IQCM: variants seen among roughly 807,000 people sequenced by gnomAD.
IQCM encodes the protein IQ domain-containing protein M.
In IQCM, 45 loss-of-function variants were observed where a neutral mutation model predicts 57.6. The observed-to-expected ratio is 0.78, with a 90% CI of 0.62 to 1.00. The LOEUF (loss-of-function observed/expected upper bound fraction) is 1.00, where lower values mean the gene tolerates loss of function less well. Among genes scored for constraint, IQCM ranks in the 50% least tolerant of loss-of-function variants. IQCM has a pLI of 0.00. For synonymous variants in IQCM, 148 were observed against 158.9 expected (o/e 0.93, Z 0.51); for missense variants, 468 against 511.6 (o/e 0.91, Z 0.82).
intron 10 of IQCM, among the ~76,000 whole-genome samples, chr4:149,559,182 T>C (rs545644584): frequency 6.6e-6 from 1 of 152,272 alleles, no homozygotes; most frequent in African/African-American, 2.4e-5. Flanking sequence ...AAAAGCATAC[T>C]AGTTGTTTTA....
intron 9 of IQCM, among the ~76,000 whole-genome samples, chr4:149,569,367 A>G (rs1311796412): frequency 2.6e-5 from 4 of 152,026 alleles, no homozygotes; most frequent in Non-Finnish European, 1.5e-5. Flanking sequence ...CATTTTTAAA[A>G]CCTTGAGGTT....
At chr4:149,719,707 C>T (rs891908498) in intron 5 of IQCM, among the ~76,000 whole-genome samples, 1 of 152,234 alleles carries the variant, frequency 6.6e-6, no homozygotes, top group Admixed American at 6.5e-5. Flanking sequence ...GACCTCCAAG[C>T]TCACATCATC....
At chr4:149,634,719 A>C (rs901347321) in intron 7 of IQCM, among the ~76,000 whole-genome samples, 3 of 152,264 alleles carry the variant, frequency 2.0e-5, no homozygotes, top group African/African-American at 7.2e-5. Context: ...CCTCTATCAA[A>C]TATAATGAAA....
At chr4:149,380,818 T>G (rs185664822) in intron 13 of IQCM, among the ~76,000 whole-genome samples, 4 of 152,234 alleles carry the variant, frequency 2.6e-5, no homozygotes, top group Admixed American at 1.3e-4. Context: ...CAGCATAGTT[T>G]TATTAGGTAT....
chr4:149,793,600 A>C (rs1363286261), intron 2 of IQCM: 1 of 152,164 alleles, frequency 6.6e-6, no homozygotes, highest in Non-Finnish European at 1.5e-5. Context: ...GCCACAACAA[A>C]ACTTCTACAC....
chr4:149,712,823 A>G (rs1764673931), intron 5 of IQCM, among the ~76,000 whole-genome samples: 1 of 152,194 alleles, frequency 6.6e-6, no homozygotes, highest in Non-Finnish European at 1.5e-5. Flanking sequence ...ATGTCCCTGG[A>G]GTAGAGGACT....
chr4:149,490,138 A>G (rs544591659), intron 12 of IQCM, among the ~76,000 whole-genome samples: 1 of 152,122 alleles, frequency 6.6e-6, no homozygotes, highest in East Asian at 1.9e-4. Flanking sequence ...TCAATGAAAA[A>G]AGTCAAAGTA....
chr4:149,566,922 A>G (rs1447136360), intron 9 of IQCM, among the ~76,000 whole-genome samples: 1 of 152,194 alleles, frequency 6.6e-6, no homozygotes, highest in Non-Finnish European at 1.5e-5. Flanking sequence ...AATTTTGATG[A>G]GCTTAATCAT....
intron 2 of IQCM, among the ~76,000 whole-genome samples, chr4:149,784,646 C>T (rs1771916056): frequency 6.6e-6 from 1 of 152,126 alleles, no homozygotes; most frequent in East Asian, 1.9e-4. Context: ...CATCTCCTGA[C>T]CTCGTGATCC....
intron 12 of IQCM, among the ~76,000 whole-genome samples, chr4:149,522,835 T>C (rs1409012784): frequency 5.9e-5 from 9 of 152,196 alleles, no homozygotes; most frequent in Non-Finnish European, 8.8e-5. Context: ...AGAGTTCCTA[T>C]TGGGACTATA....
intron 13 of IQCM, among the ~76,000 whole-genome samples, chr4:149,400,987 A>G (rs866775473): frequency 1.3e-5 from 2 of 151,820 alleles, no homozygotes; most frequent in African/African-American, 4.8e-5. Context: ...AAAAGGGGTG[A>G]CTTGCTTGTT....
At chr4:149,688,856 A>G (rs1236425369) in intron 5 of IQCM, among the ~76,000 whole-genome samples, 1 of 152,020 alleles carries the variant, frequency 6.6e-6, no homozygotes, top group African/African-American at 2.4e-5. Flanking sequence ...TGGGGAAAGG[A>G]CACCCTTTTC....
intron 2 of IQCM, among the ~76,000 whole-genome samples, chr4:149,762,706 A>G (rs1348623177): frequency 6.6e-6 from 1 of 152,072 alleles, no homozygotes; most frequent in African/African-American, 2.4e-5. Flanking sequence ...GGATTTGAAA[A>G]AATAATTTCT....
chr4:149,714,649 T>G (rs1764844687), intron 5 of IQCM, among the ~76,000 whole-genome samples: 1 of 152,108 alleles, frequency 6.6e-6, no homozygotes, highest in Admixed American at 6.5e-5. Flanking sequence ...ATGATAAAAT[T>G]TATTTACACA....
chr4:149,406,846 C>G (rs1733014090), intron 13 of IQCM, among the ~76,000 whole-genome samples: 1 of 152,090 alleles, frequency 6.6e-6, no homozygotes, highest in South Asian at 2.1e-4. Context: ...AAGACATACC[C>G]AAGACTGGGT....
chr4:149,581,342 A>G (rs1030941159), intron 9 of IQCM, among the ~76,000 whole-genome samples: 5 of 151,120 alleles, frequency 3.3e-5, no homozygotes, highest in Non-Finnish European at 7.4e-5. Flanking sequence ...CAATAATTTC[A>G]CTATGACCTT....
intron 9 of IQCM, among the ~76,000 whole-genome samples, chr4:149,578,788 C>T (rs1330938883): frequency 6.6e-6 from 1 of 151,798 alleles, no homozygotes; most frequent in African/African-American, 2.4e-5. Context: ...CAGGGACTAC[C>T]ATTTCCAAAA....
chr4:149,751,646 C>T (rs1768455547), intron 2 of IQCM, among the ~76,000 whole-genome samples: 1 of 152,126 alleles, frequency 6.6e-6, no homozygotes, highest in Admixed American at 6.5e-5. Flanking sequence ...GAATGAATGT[C>T]TAAAAACATT....
At chr4:149,445,484 C>T (rs566253717) in intron 12 of IQCM, among the ~76,000 whole-genome samples, 3 of 151,706 alleles carry the variant, frequency 2.0e-5, no homozygotes, top group Non-Finnish European at 4.4e-5. Flanking sequence ...AAACCATCCA[C>T]CTGATAGTTA....
Sources: allele counts gnomAD v4.1 joint callset (sites outside exome capture counted in the v4.1 genomes callset), GRCh38; gene constraint gnomAD v4.1.1; transcripts MANE v1.5; gene names NCBI Gene and HGNC (gene_info 2026-07-23, HGNC 2026-07-21).